CCR5AS: variants seen among roughly 807,000 people sequenced by gnomAD.
The protein encoded by CCR5AS is CCR5 antisense RNA.
intron 1 of CCR5AS, chr3:46,406,886 C>A (rs1702053940): frequency 6.6e-6 from 1 of 152,170 alleles, no homozygotes. Flanking sequence ...ACAATAAAAA[C>A]CCAAACACAC....
intron 3 of CCR5AS, among the ~76,000 whole-genome samples, chr3:46,369,263 CAAGTAGCAGT>C (rs1701631670): frequency 6.6e-6 from 1 of 152,150 alleles, no homozygotes; most frequent in South Asian, 2.1e-4. Context: ...TGGTCAGAGC[CAAGTAGCAGT>C]AATGAAGCTG....
intron 1 of CCR5AS, among the ~76,000 whole-genome samples, chr3:46,393,960 A>G (rs545617231): frequency 6.4e-4 from 98 of 152,326 alleles, no homozygotes; most frequent in African/African-American, 2.4e-3. Flanking sequence ...AACATGTTCA[A>G]TCCAGCCCCG....
chr3:46,377,373 A>G (rs1420618541), intron 2 of CCR5AS, among the ~76,000 whole-genome samples: 3 of 152,134 alleles, frequency 2.0e-5, no homozygotes, highest in Non-Finnish European at 4.4e-5. Context: ...AGAGGTCTCT[A>G]TCAAAGAGGA....
In CCR5AS at chr3:46,366,308, T is replaced by A. The variant is rs142513694; in HGVS notation, n.566-1263A>T. Among the ~76,000 whole-genome samples the A allele has an allele frequency of 6.6e-3, 1,006 of 152,302 alleles. 13 individuals carry two copies. The highest frequency in any genetic ancestry group is 0.023 in the African/African-American group (963 of 41,546). On this transcript the variant is annotated intron_variant and non_coding_transcript_variant, in intron 3 of 3. Transcript: ENST00000451485. ...GGACAACCAGAAAAGCCCTACATAATCTCGTGTTATGTGCAGAGCTGAGTA... is the reference window on the plus strand; with the variant it reads ...GGACAACCAGAAAAGCCCTACATAAACTCGTGTTATGTGCAGAGCTGAGTA...
intron 2 of CCR5AS, among the ~76,000 whole-genome samples, chr3:46,386,948 A>G (rs1701867871): frequency 6.6e-6 from 1 of 152,158 alleles, no homozygotes; most frequent in Admixed American, 6.5e-5. Context: ...AATTGTTAAA[A>G]CTGAGTGATG....
chr3:46,399,209 G>GC (rs1701986514), intron 1 of CCR5AS, among the ~76,000 whole-genome samples: 2 of 152,332 alleles, frequency 1.3e-5, no homozygotes, highest in South Asian at 4.1e-4. Flanking sequence ...ACTGATGTCT[G>GC]CGTCTTGTTG....
intron 2 of CCR5AS, chr3:46,373,146 ACTGTCCCCTTCTGGGCTCACTATG>A (rs1701689540): frequency 6.8e-6 from 11 of 1,613,994 alleles, no homozygotes; most frequent in Middle Eastern, 1.6e-4. Flanking sequence ...TTTCCTTCTT[ACTGTCCCCTTCTGGGCTCACTATG>A]CTGCCGCCCA....
At chr3:46,369,636 G>GA (rs1701635359) in intron 3 of CCR5AS, among the ~76,000 whole-genome samples, 1 of 152,156 alleles carries the variant, frequency 6.6e-6, no homozygotes, top group Non-Finnish European at 1.5e-5. Flanking sequence ...AACTCTCTCT[G>GA]ACAAAGGACT....
intron 2 of CCR5AS, chr3:46,375,359 T>A (rs201417500): frequency 6.0e-6 from 1 of 167,100 alleles, no homozygotes; most frequent in African/African-American, 2.4e-5. Flanking sequence ...GGGAGGATTC[T>A]ATGAGGCAAC....
chr3:46,371,951 T>C (rs1011321183), intron 2 of CCR5AS, among the ~76,000 whole-genome samples: 4 of 152,144 alleles, frequency 2.6e-5, no homozygotes, highest in African/African-American at 7.2e-5. Flanking sequence ...GAGGGTAGCA[T>C]GGTAGTTAAG....
intron 2 of CCR5AS, among the ~76,000 whole-genome samples, chr3:46,390,891 T>G (rs1701906052): frequency 6.6e-6 from 1 of 152,050 alleles, no homozygotes; most frequent in Non-Finnish European, 1.5e-5. Flanking sequence ...AACAGGCCCT[T>G]GAAAAGAAAG....
intron 1 of CCR5AS, among the ~76,000 whole-genome samples, chr3:46,406,061 A>G (rs932552042): frequency 5.3e-5 from 8 of 151,910 alleles, no homozygotes; most frequent in Admixed American, 2.6e-4. Context: ...TTGTTTATAG[A>G]TCCGGGATCT....
chr3:46,398,205 AC>A (rs11294277), intron 1 of CCR5AS, among the ~76,000 whole-genome samples: 130,391 of 152,162 alleles, frequency 0.86, 56,426 homozygotes, highest in East Asian at 1. Flanking sequence ...AGACCCCAAA[AC>A]CCAGGCGCGG....
At chr3:46,389,383 C>T (rs779341787) in intron 2 of CCR5AS, among the ~76,000 whole-genome samples, 1 of 152,052 alleles carries the variant, frequency 6.6e-6, no homozygotes, top group Non-Finnish European at 1.5e-5. Context: ...AGGGTCCAGT[C>T]CATCAAAGCT....
At chr3:46,386,079 T>C (rs1701858759) in intron 2 of CCR5AS, among the ~76,000 whole-genome samples, 1 of 151,916 alleles carries the variant, frequency 6.6e-6, no homozygotes, top group Non-Finnish European at 1.5e-5. Context: ...ACCTGGCTAA[T>C]ATTTTGTATT....
intron 3 of CCR5AS, among the ~76,000 whole-genome samples, chr3:46,366,110 A>G (rs1339851416): frequency 6.6e-6 from 1 of 152,170 alleles, no homozygotes; most frequent in Non-Finnish European, 1.5e-5. Context: ...GCCTCCGTAT[A>G]CAGACTGGAG....
At chr3:46,372,700 G>T in intron 2 of CCR5AS, 1 of 471,928 alleles carries the variant, frequency 2.1e-6, no homozygotes, top group Non-Finnish European at 3.8e-6. Context: ...CCATCTAGTG[G>T]ACAGGGAAGC....
At chr3:46,394,371 G>A (rs764471810) in intron 1 of CCR5AS, among the ~76,000 whole-genome samples, 4 of 152,060 alleles carry the variant, frequency 2.6e-5, no homozygotes, top group Admixed American at 1.3e-4. Flanking sequence ...GGCAGATTTC[G>A]GCGACTTACT....
intron 1 of CCR5AS, among the ~76,000 whole-genome samples, chr3:46,395,764 T>A (rs573801338): frequency 1.3e-5 from 2 of 152,318 alleles, no homozygotes; most frequent in Admixed American, 1.3e-4. Context: ...AAGGTCCTGG[T>A]TCTGCCCCCA....
Sources: gnomAD v4.1 joint callset for allele counts (sites outside exome capture counted in the v4.1 genomes callset) on GRCh38, gnomAD v4.1.1 for gene constraint, MANE v1.5 for transcripts, NCBI Gene and HGNC (gene_info 2026-07-23, HGNC 2026-07-21) for gene names.